Variants in CSMD3 observed in about 807,000 individuals in gnomAD.
The protein encoded by CSMD3 is CUB and Sushi multiple domains 3, also known as CUB and sushi domain-containing protein 3.
CSMD3 carries 177 observed loss-of-function variants against 435.2 expected under a neutral mutation model. The ratio of observed to expected loss-of-function variants is 0.41; its 90% CI spans 0.36 to 0.46. The LOEUF is 0.46. Ranked by LOEUF, CSMD3 falls within the 20% of genes least tolerant of loss-of-function variation. The probability of loss-of-function intolerance (pLI) is 0.34; values close to 1 mark genes in which losing one functional copy is unlikely to be tolerated. For missense variants in CSMD3, 4,265 were observed against 4,504.6 expected (o/e 0.95, Z 1.52); for synonymous variants, 1,656 against 1,520.5 (o/e 1.09, Z -2.07).
chr8:112,517,972 A>G (rs1221170895), intron 27 of CSMD3, among the ~76,000 whole-genome samples: 1 of 152,210 alleles, frequency 6.6e-6, no homozygotes, highest in Non-Finnish European at 1.5e-5. Context: ...ACAGATATTC[A>G]TAACAACTTT....
chr8:112,507,150 T>A (rs1226392709), intron 28 of CSMD3, among the ~76,000 whole-genome samples: 1 of 152,152 alleles, frequency 6.6e-6, no homozygotes, highest in Admixed American at 6.6e-5. Flanking sequence ...GTGATAAAGA[T>A]GATTTTCCTC....
chr8:113,308,937 G>C (rs1007342621), intron 2 of CSMD3, among the ~76,000 whole-genome samples: 1 of 151,804 alleles, frequency 6.6e-6, no homozygotes, highest in Non-Finnish European at 1.5e-5. Context: ...GATGTTTTTT[G>C]TTTTTTTGTT....
intron 10 of CSMD3, among the ~76,000 whole-genome samples, chr8:112,883,376 G>A (rs776324016): frequency 3.9e-5 from 6 of 151,908 alleles, no homozygotes; most frequent in Non-Finnish European, 8.8e-5. Context: ...TATTTCAATG[G>A]AGTAAGAGAG....
At chr8:112,470,917 A>T (rs1001296027) in intron 32 of CSMD3, among the ~76,000 whole-genome samples, 8 of 151,508 alleles carry the variant, frequency 5.3e-5, no homozygotes, top group Admixed American at 2.0e-4. Context: ...AGATTCATTT[A>T]AAAAAAACAG....
intron 11 of CSMD3, among the ~76,000 whole-genome samples, chr8:112,834,553 G>A (rs1296043163): frequency 6.6e-6 from 1 of 151,478 alleles, no homozygotes; most frequent in East Asian, 1.9e-4. Flanking sequence ...AAAACAAAAT[G>A]ACAACAAAAC....
chr8:112,681,341 C>A (rs552153637), intron 16 of CSMD3, among the ~76,000 whole-genome samples: 1 of 151,542 alleles, frequency 6.6e-6, no homozygotes, highest in Non-Finnish European at 1.5e-5. Flanking sequence ...CGTGAGCCAC[C>A]GTGCCCAGCC....
chr8:113,300,281 A>G (rs1585720), intron 2 of CSMD3, among the ~76,000 whole-genome samples: 96,514 of 151,980 alleles, frequency 0.64, 31,417 homozygotes, highest in East Asian at 0.74. Flanking sequence ...AGATTTCTCA[A>G]TGAACTAAAT....
chr8:112,881,115 C>T (rs1196051203), intron 10 of CSMD3, among the ~76,000 whole-genome samples: 7 of 151,986 alleles, frequency 4.6e-5, no homozygotes, highest in Non-Finnish European at 1.5e-5. Flanking sequence ...TGAGAATAAT[C>T]ACACAGTTGT....
At chr8:112,473,741 T>TTTA in intron 31 of CSMD3, among the ~76,000 whole-genome samples, 1 of 151,282 alleles carries the variant, frequency 6.6e-6, no homozygotes, top group East Asian at 1.9e-4. Flanking sequence ...TTTTTTTTTT[T>TTTA]TAACACCTTG....
rs539378074 is a variant in CSMD3, at chr8:112,306,271, A to C, written c.7886-79T>G. ...ATTAGGTAACTCTGCTGAACTGTAA[A>C]ACATGCAAAACTAACGGGGATTTTT... On this transcript the variant is annotated intron_variant, in intron 50 of 70. Coordinates refer to ENST00000297405, the MANE Select transcript of CSMD3 (RefSeq NM_198123.2). The C allele has an allele frequency of 2.0e-4, 201 of 993,612 alleles. 1 individual carries two copies. The Admixed American group carries it at 3.8e-3, about 19-fold the overall frequency. The allele number at this position is 993,612 out of a possible 1,614,324, so 61.5% of individuals were successfully genotyped here.
intron 10 of CSMD3, among the ~76,000 whole-genome samples, chr8:112,875,458 T>A (rs954998601): frequency 6.6e-6 from 1 of 152,146 alleles, no homozygotes; most frequent in African/African-American, 2.4e-5. Context: ...TATTTGAATG[T>A]TGTCCTGTCT....
intron 10 of CSMD3, among the ~76,000 whole-genome samples, chr8:112,918,015 A>G (rs1313293008): frequency 2.0e-5 from 3 of 151,992 alleles, no homozygotes; most frequent in Admixed American, 6.6e-5. Flanking sequence ...CATGGAAATA[A>G]TCTTCCTCAT....
intron 68 of CSMD3, among the ~76,000 whole-genome samples, chr8:112,232,126 C>T (rs1353945089): frequency 6.6e-6 from 1 of 152,130 alleles, no homozygotes; most frequent in Non-Finnish European, 1.5e-5. Context: ...AAGAGCCATA[C>T]TTCCCATCAC....
chr8:112,357,924 G>T (rs1826796020), intron 38 of CSMD3, among the ~76,000 whole-genome samples: 1 of 152,168 alleles, frequency 6.6e-6, no homozygotes, highest in African/African-American at 2.4e-5. Context: ...GCTATGAAAA[G>T]AAGGCCACCA....
intron 46 of CSMD3, 109 bp downstream of exon 46, chr8:112,319,792 G>T: frequency 1.2e-6 from 1 of 801,752 alleles, no homozygotes. Context: ...ATCAACACAG[G>T]GAATGAGGGT....
chr8:113,296,051 A>G (rs891040535), intron 2 of CSMD3, among the ~76,000 whole-genome samples: 1 of 152,058 alleles, frequency 6.6e-6, no homozygotes, highest in Non-Finnish European at 1.5e-5. Flanking sequence ...GCAAGGACAA[A>G]AAACCAAACA....
intron 9 of CSMD3, among the ~76,000 whole-genome samples, chr8:112,937,934 T>C (rs1292407212): frequency 1.3e-5 from 2 of 152,108 alleles, no homozygotes; most frequent in East Asian, 3.9e-4. Context: ...AGCAGAAAGA[T>C]AAAAGAAGCA....
chr8:113,271,383 C>A (rs1222716937), intron 3 of CSMD3, among the ~76,000 whole-genome samples: 1 of 151,962 alleles, frequency 6.6e-6, no homozygotes, highest in Non-Finnish European at 1.5e-5. Context: ...TTTGACTGGG[C>A]CCAGGGTCCT....
At chr8:112,716,734 A>G (rs2076737741) in intron 13 of CSMD3, among the ~76,000 whole-genome samples, 1 of 152,190 alleles carries the variant, frequency 6.6e-6, no homozygotes, top group Non-Finnish European at 1.5e-5. Context: ...AGAAATATAG[A>G]CCAATGGAAC....
Sources: allele counts gnomAD v4.1 joint callset (sites outside exome capture counted in the v4.1 genomes callset), GRCh38; gene constraint gnomAD v4.1.1; transcripts MANE v1.5; gene names NCBI Gene and HGNC (gene_info 2026-07-23, HGNC 2026-07-21).